The following LGSN variants were observed in gnomAD, a reference collection of about 807,000 sequenced individuals.
LGSN encodes lengsin, lens protein with glutamine synthetase domain.
LGSN carries 21 observed loss-of-function variants against 19.5 expected under a neutral mutation model. That is an observed-to-expected ratio of 1.07 (90% CI 0.76 to 1.55). LGSN has a LOEUF of 1.55. Among genes scored for constraint, LGSN ranks in the 40% most tolerant of loss-of-function variants. The pLI is 0.00. For missense variants in LGSN, 673 were observed against 608.5 expected (o/e 1.11, Z -1.12); for synonymous variants, 257 against 215.6 (o/e 1.19, Z -1.68).
chr6:63,438,794 A>G, the LGSN span, among the ~76,000 whole-genome samples: 113,198 of 152,106 alleles, frequency 0.74, 42,857 homozygotes, highest in African/African-American at 0.89. Context: ...AATTCAGTGT[A>G]GCAATTCCTC....
the LGSN span, among the ~76,000 whole-genome samples, chr6:63,328,597 T>G: frequency 1.3e-5 from 2 of 152,254 alleles, no homozygotes; most frequent in Admixed American, 6.5e-5. Flanking sequence ...CTTTTGCTAC[T>G]ACATCAATTT....
At chr6:63,332,092 T>C in the LGSN span, among the ~76,000 whole-genome samples, 1 of 152,300 alleles carries the variant, frequency 6.6e-6, no homozygotes, top group East Asian at 1.9e-4. Context: ...GCTTCAGGAA[T>C]AGCTTTTGTT....
chr6:63,419,825 T>C, the LGSN span, among the ~76,000 whole-genome samples: 2 of 120,740 alleles, frequency 1.7e-5, no homozygotes, highest in Non-Finnish European at 3.2e-5. Context: ...GGGGCAGAGG[T>C]TGCAGTGATG....
chr6:63,501,374 A>T, the LGSN span, among the ~76,000 whole-genome samples: 4 of 151,848 alleles, frequency 2.6e-5, no homozygotes, highest in East Asian at 7.7e-4. Context: ...AAAAAAAAAA[A>T]AAAATTAGAG....
the LGSN span, among the ~76,000 whole-genome samples, chr6:63,510,310 C>T: frequency 6.6e-6 from 1 of 152,124 alleles, no homozygotes; most frequent in East Asian, 1.9e-4. Flanking sequence ...CCACTCTGTG[C>T]TGTGTAGACC....
Position 63,317,474 on chromosome 6 carries a change from A to T in LGSN, c.30+2440T>A, listed in dbSNP as rs115110720. Among the ~76,000 whole-genome samples, 445 of 152,312 alleles carry T rather than the reference A, an allele frequency of 2.9e-3. 2 individuals are homozygous for T. The highest frequency in any genetic ancestry group is 0.01 in the African/African-American group (421 of 41,570). ...TTTTTGTCTTGTCTCTCCACTGAGAATTCTTAAATGGAGAGCTAGTTGATA... is the reference window on the plus strand; with the variant it reads ...TTTTTGTCTTGTCTCTCCACTGAGATTTCTTAAATGGAGAGCTAGTTGATA... On this transcript the variant is annotated intron_variant, in intron 1 of 3. Transcript: ENST00000370657.
chr6:63,359,014 C>T, the LGSN span, among the ~76,000 whole-genome samples: 1 of 152,116 alleles, frequency 6.6e-6, no homozygotes, highest in East Asian at 1.9e-4. Context: ...CCCATCAAAA[C>T]CTAATTTATT....
chr6:63,436,052 AC>A, the LGSN span, among the ~76,000 whole-genome samples: 19 of 152,060 alleles, frequency 1.2e-4, no homozygotes, highest in South Asian at 3.7e-3. Flanking sequence ...TTCCTCCAAA[AC>A]CCACAAAGTT....
chr6:63,394,937 T>A, the LGSN span: 2 of 153,298 alleles, frequency 1.3e-5, no homozygotes, highest in Non-Finnish European at 2.9e-5. Flanking sequence ...GGGATCCACC[T>A]CCTCGCTTGT....
At chr6:63,571,155 TTTTG>T in the LGSN span, 3 of 152,158 alleles carry the variant, frequency 2.0e-5, no homozygotes, top group East Asian at 1.9e-4. Context: ...TGGCCCAGGA[TTTTG>T]TTTGTTTTTG....
At chr6:63,428,657 A>G in the LGSN span, among the ~76,000 whole-genome samples, 1 of 152,126 alleles carries the variant, frequency 6.6e-6, no homozygotes, top group African/African-American at 2.4e-5. Flanking sequence ...GACCAGGCAT[A>G]ATTCTTTTAA....
At chr6:63,463,476 A>T in the LGSN span, among the ~76,000 whole-genome samples, 142 of 152,288 alleles carry the variant, frequency 9.3e-4, 2 homozygotes, top group Middle Eastern at 0.027. Context: ...TGAGAAGCAA[A>T]TTCCTATAGA....
chr6:63,552,426 A>G, the LGSN span, among the ~76,000 whole-genome samples: 1 of 151,988 alleles, frequency 6.6e-6, no homozygotes, highest in East Asian at 1.9e-4. Flanking sequence ...TGTAGATTCT[A>G]GATATTAGCC....
At chr6:63,449,178 G>C in the LGSN span, among the ~76,000 whole-genome samples, 6 of 152,140 alleles carry the variant, frequency 3.9e-5, no homozygotes, top group Admixed American at 3.3e-4. Flanking sequence ...TAAAATGACA[G>C]TTATGAAATT....
the LGSN span, among the ~76,000 whole-genome samples, chr6:63,418,732 G>A: frequency 6.6e-6 from 1 of 151,990 alleles, no homozygotes; most frequent in Non-Finnish European, 1.5e-5. Context: ...GTCAGTAACT[G>A]GGAAACACCA....
the LGSN span, among the ~76,000 whole-genome samples, chr6:63,554,517 G>T: frequency 1.3e-5 from 2 of 152,100 alleles, no homozygotes; most frequent in Non-Finnish European, 2.9e-5. Context: ...CATAATTTAG[G>T]CCGGGCACGG....
At chr6:63,349,499 G>C in the LGSN span, among the ~76,000 whole-genome samples, 14 of 152,188 alleles carry the variant, frequency 9.2e-5, no homozygotes, top group Admixed American at 3.9e-4. Context: ...TTAAGGTTGA[G>C]AAACATTCTA....
At position 63,305,733 on chromosome 6, in the gene LGSN, A is replaced by G. The variant is rs146197409; in HGVS notation, c.31-10688T>C. Among the ~76,000 whole-genome samples, 132 of 152,252 alleles carry G rather than the reference A, an allele frequency of 8.7e-4. 4 individuals carry two copies. In the East Asian group the frequency reaches 0.024, roughly 28 times the overall value. ...TTCTCAAATCATTCTTTGCTCAATC[A>G]AACTCTGTTAAATTTAATTTGCCTA... On this transcript the variant is annotated intron_variant, in intron 1 of 3. Coordinates refer to ENST00000370657, the MANE Select transcript of LGSN (RefSeq NM_016571.3).
chr6:63,553,977 T>A, the LGSN span, among the ~76,000 whole-genome samples: 1 of 152,192 alleles, frequency 6.6e-6, no homozygotes, highest in African/African-American at 2.4e-5. Flanking sequence ...TTTAAGAGGC[T>A]TATAACCACA....
Sources: allele counts gnomAD v4.1 joint callset (sites outside exome capture counted in the v4.1 genomes callset), GRCh38; gene constraint gnomAD v4.1.1; transcripts MANE v1.5; gene names NCBI Gene and HGNC (gene_info 2026-07-23, HGNC 2026-07-21).